The following MVB12B variants were observed in gnomAD, a reference collection of about 807,000 sequenced individuals.
MVB12B encodes multivesicular body subunit 12B, also known as ESCRT-I complex subunit MVB12B.
Under a neutral mutation model 41.6 loss-of-function variants are expected in MVB12B, and 16 were observed. The ratio of observed to expected loss-of-function variants is 0.38; its 90% confidence interval spans 0.26 to 0.58. The LOEUF (loss-of-function observed/expected upper bound fraction) is 0.58. MVB12B is among the 20% of genes least tolerant of loss of function. The pLI is 0.62. For synonymous variants in MVB12B, 133 were observed against 139.7 expected (o/e 0.95, Z 0.34); for missense variants, 274 against 380.2 (o/e 0.72, Z 2.32).
intron 6 of MVB12B, chr9:126,396,769 C>T: frequency 1.0e-6 from 1 of 985,426 alleles, no homozygotes; most frequent in Non-Finnish European, 1.2e-6. Context: ...ACTTAACTAC[C>T]CCTGGAATTG....
intron 7 of MVB12B, among the ~76,000 whole-genome samples, chr9:126,427,586 GCACAGTTTTTAAC>G: frequency 6.6e-6 from 1 of 152,258 alleles, no homozygotes; most frequent in Admixed American, 6.5e-5. Context: ...ATCTCCAAGT[GCACAGTTTTTAAC>G]CATAGAAAGC....
At chr9:126,495,191 C>A (rs1395982501) in intron 9 of MVB12B, among the ~76,000 whole-genome samples, 109 of 131,886 alleles carry the variant, frequency 8.3e-4, no homozygotes, top group African/African-American at 1.3e-3. Flanking sequence ...GATCCTGTCT[C>A]AAAAAAAAAA....
In MVB12B at chr9:126,468,662, C is replaced by T. The variant is rs1402679702; in HGVS notation, c.758-12707C>T. On this transcript the variant is annotated intron_variant, in intron 7 of 9. Coordinates refer to ENST00000361171, the MANE Select transcript of MVB12B (RefSeq NM_033446.3). The surrounding 1 kb of genome is among the most constrained non-coding windows in gnomAD (Gnocchi z 4.3). ...TCCCTCGCCTGGTTCAGTGTCAGAA[C>T]TTCCTCCCTGGTGTTCCTGCTCCAG... Among the ~76,000 whole-genome samples the T allele has an allele frequency of 6.6e-6, 1 of 152,238 alleles. No individual in the cohort carries two copies. Among genetic ancestry groups the T allele is most frequent in the Non-Finnish European group, 1.5e-5 (1 of 68,040 alleles).
intron 6 of MVB12B, chr9:126,397,402 G>C: frequency 1.0e-6 from 1 of 985,448 alleles, no homozygotes; most frequent in Non-Finnish European, 1.2e-6. Flanking sequence ...AGGGTAGTGC[G>C]TCAGAACCAG....
At chr9:126,377,340 A>T (rs1830509959) in intron 2 of MVB12B, among the ~76,000 whole-genome samples, 1 of 152,208 alleles carries the variant, frequency 6.6e-6, no homozygotes, top group African/African-American at 2.4e-5. Flanking sequence ...CAGACTCTGA[A>T]GGTTCTGCAG....
intron 6 of MVB12B, among the ~76,000 whole-genome samples, chr9:126,418,147 G>A (rs1216644471): frequency 6.6e-6 from 1 of 150,664 alleles, no homozygotes; most frequent in Admixed American, 6.6e-5. Flanking sequence ...AAAGTTTGGA[G>A]ACGAAGTGGG....
At chr9:126,464,092 G>A (rs1833144365) in intron 7 of MVB12B, among the ~76,000 whole-genome samples, 1 of 152,162 alleles carries the variant, frequency 6.6e-6, no homozygotes, top group Non-Finnish European at 1.5e-5. Flanking sequence ...GCTACTGAGA[G>A]TTCCCCCACC....
intron 1 of MVB12B, chr9:126,335,079 G>T (rs1467431631): frequency 1.4e-5 from 4 of 292,400 alleles, no homozygotes; most frequent in Non-Finnish European, 2.5e-5. Flanking sequence ...GCTCACAATT[G>T]TTAGTTCCCG....
chr9:126,500,013 T>G (rs116000918), intron 9 of MVB12B, among the ~76,000 whole-genome samples: 3,572 of 152,104 alleles, frequency 0.023, 140 homozygotes, highest in African/African-American at 0.082. Flanking sequence ...AGCCAGTTGC[T>G]CACACAGGCG....
At chr9:126,388,875 T>C (rs1239032802) in intron 4 of MVB12B, among the ~76,000 whole-genome samples, 1 of 152,268 alleles carries the variant, frequency 6.6e-6, no homozygotes, top group Non-Finnish European at 1.5e-5. Flanking sequence ...TGGATCACTT[T>C]CCTCCTTTTC....
At chr9:126,378,783 AG>A (rs1219784980) in intron 2 of MVB12B, among the ~76,000 whole-genome samples, 3 of 152,146 alleles carry the variant, frequency 2.0e-5, no homozygotes, top group African/African-American at 7.2e-5. Flanking sequence ...TTCGCAGACA[AG>A]GACTGGGAGG....
intron 2 of MVB12B, among the ~76,000 whole-genome samples, chr9:126,351,329 A>G (rs1057021553): frequency 6.6e-6 from 1 of 151,860 alleles, no homozygotes; most frequent in Admixed American, 6.6e-5. Context: ...CTGGACAACA[A>G]TCTCATCCTT....
At chr9:126,492,382 G>A (rs4836547) in intron 9 of MVB12B, among the ~76,000 whole-genome samples, 1 of 151,262 alleles carries the variant, frequency 6.6e-6, no homozygotes, top group Non-Finnish European at 1.5e-5. Flanking sequence ...TGCCTGGCTC[G>A]CCTGGGTCTT....
chr9:126,413,314 C>A (rs1220663046), intron 6 of MVB12B, among the ~76,000 whole-genome samples: 1 of 152,252 alleles, frequency 6.6e-6, no homozygotes, highest in Non-Finnish European at 1.5e-5. Flanking sequence ...AGCAGAGAGG[C>A]AAGCTGTGGA....
intron 9 of MVB12B, among the ~76,000 whole-genome samples, chr9:126,490,294 G>A (rs922245212): frequency 1.3e-5 from 2 of 151,894 alleles, no homozygotes; most frequent in Non-Finnish European, 2.9e-5. Context: ...CCACGGTCCC[G>A]CCCTGGCATC....
At chr9:126,341,616 G>A (rs1467093432) in intron 2 of MVB12B, among the ~76,000 whole-genome samples, 2 of 152,198 alleles carry the variant, frequency 1.3e-5, no homozygotes, top group Non-Finnish European at 2.9e-5. Flanking sequence ...CCCTAAGGCA[G>A]GGTTTCCCAA....
At chr9:126,339,789 G>A (rs935885431) in intron 1 of MVB12B, among the ~76,000 whole-genome samples, 34 of 152,186 alleles carry the variant, frequency 2.2e-4, no homozygotes, top group Admixed American at 1.4e-3. Flanking sequence ...TTTTTTGAGC[G>A]CCTACTGTAT....
intron 2 of MVB12B, among the ~76,000 whole-genome samples, chr9:126,366,559 TATTG>T (rs1830186674): frequency 6.6e-6 from 1 of 152,224 alleles, no homozygotes; most frequent in Non-Finnish European, 1.5e-5. Context: ...ACGTGCTTAT[TATTG>T]CATCATATTT....
intron 7 of MVB12B, among the ~76,000 whole-genome samples, chr9:126,430,139 A>T (rs958764635): frequency 6.6e-6 from 1 of 152,134 alleles, no homozygotes; most frequent in Admixed American, 6.5e-5. Context: ...CCAGTTGCCC[A>T]GGTAGCTGAC....
Sources: gnomAD v4.1 joint callset for allele counts (sites outside exome capture counted in the v4.1 genomes callset) on GRCh38, gnomAD v4.1.1 for gene constraint, Gnocchi (gnomAD v3.1) non-coding constraint, MANE v1.5 for transcripts, NCBI Gene and HGNC (gene_info 2026-07-23, HGNC 2026-07-21) for gene names.